PCDHA4: variants seen among roughly 807,000 people sequenced by gnomAD.
PCDHA4 encodes the protein protocadherin alpha 4.
In PCDHA4, 49 loss-of-function variants were observed where a neutral mutation model predicts 61.4. The observed-to-expected ratio is 0.80, with a 90% CI of 0.63 to 1.01. The LOEUF is 1.01. Among genes scored for constraint, PCDHA4 ranks in the 50% least tolerant of loss-of-function variants. The pLI is 0.00. For missense variants in PCDHA4, 1,254 were observed against 1,235.8 expected (o/e 1.01, Z -0.22); for synonymous variants, 590 against 550.3 (o/e 1.07, Z -1.01).
chr5:140,871,280 C>A, intron 1 of PCDHA4: 1 of 1,613,916 alleles, frequency 6.2e-7, no homozygotes, highest in Non-Finnish European at 8.5e-7. Context: ...TCGGCAACGC[C>A]CACTGAGGGC....
intron 1 of PCDHA4, chr5:140,835,544 C>T (rs1773719176): frequency 2.5e-6 from 4 of 1,613,968 alleles, no homozygotes; most frequent in South Asian, 2.2e-5. Flanking sequence ...AGGTTACCTG[C>T]TCCCTGACGC....
chr5:140,841,020 C>T (rs186269491), intron 1 of PCDHA4, among the ~76,000 whole-genome samples: 2 of 151,914 alleles, frequency 1.3e-5, no homozygotes, highest in African/African-American at 4.8e-5. Flanking sequence ...AGTATGAATG[C>T]CTCTGCAATT....
intron 1 of PCDHA4, among the ~76,000 whole-genome samples, chr5:140,889,199 T>C (rs1399579598): frequency 1.3e-5 from 2 of 151,896 alleles, no homozygotes; most frequent in African/African-American, 4.8e-5. Context: ...ATAACTTGAA[T>C]ACTTAACAAA....
chr5:140,811,938 C>T (rs920175473), intron 1 of PCDHA4: 4 of 152,080 alleles, frequency 2.6e-5, no homozygotes, highest in Admixed American at 2.0e-4. Context: ...AATTTTCTCC[C>T]ATTCTGTAGG....
chr5:140,871,036 C>A (rs781977409), intron 1 of PCDHA4: 2 of 1,613,156 alleles, frequency 1.2e-6, no homozygotes, highest in East Asian at 2.2e-5. Flanking sequence ...GCCGCGCCAC[C>A]GACTTCTAGT....
At chr5:140,868,864 A>C (rs1554162257) in intron 1 of PCDHA4, 10 of 549,766 alleles carry the variant, frequency 1.8e-5, no homozygotes, top group Non-Finnish European at 1.8e-5. Context: ...TGGTAAATGC[A>C]GTGCACAGTA....
chr5:140,849,924 G>A, intron 1 of PCDHA4: 1 of 1,598,310 alleles, frequency 6.3e-7, no homozygotes, highest in East Asian at 2.2e-5. Context: ...CATCTTCACG[G>A]TGTCTGCGCG....
Position 140,927,758 on chromosome 5 carries a change from A to C in PCDHA4, c.2386-51191A>C, listed in dbSNP as rs781942462. 3 of 1,614,170 alleles carry C rather than the reference A, an allele frequency of 1.9e-6. No individual in the cohort carries two copies. In the South Asian group the frequency reaches 3.3e-5, roughly 18 times the overall value. Reference sequence around the variant, plus strand: ...CGACACCGCTTTCACGTGCACCCTAAAAGTGGGGAGGTGCAAGTAGCTGCT... The same window carrying C: ...CGACACCGCTTTCACGTGCACCCTACAAGTGGGGAGGTGCAAGTAGCTGCT... On this transcript the variant is annotated intron_variant, in intron 1 of 3. Transcript: ENST00000530339.
At chr5:140,855,799 A>C (rs1356663466) in intron 1 of PCDHA4, 4 of 472,784 alleles carry the variant, frequency 8.5e-6, no homozygotes, top group Non-Finnish European at 1.5e-5. Context: ...TTAACATATG[A>C]ATGAAAGAAA....
chr5:140,829,134 C>A (rs2150162893), intron 1 of PCDHA4: 1 of 1,613,168 alleles, frequency 6.2e-7, no homozygotes. Flanking sequence ...GATAACGTCC[C>A]TGAGATAGCA....
At chr5:140,876,315 C>T in intron 1 of PCDHA4, 1 of 1,613,958 alleles carries the variant, frequency 6.2e-7, no homozygotes, top group South Asian at 1.1e-5. Flanking sequence ...CCTATGGGAT[C>T]AAAATGATTT....
At chr5:140,925,641 T>TATAATAATAATAATA (rs10569930) in intron 1 of PCDHA4, among the ~76,000 whole-genome samples, 21 of 143,352 alleles carry the variant, frequency 1.5e-4, no homozygotes, top group East Asian at 6.1e-4. Context: ...GAACTTAAAG[T>TATAATAATAATAATA]ATAATAATAA....
At position 140,841,226 on chromosome 5, in the gene PCDHA4, G is replaced by A. The variant is rs2150312161; in HGVS notation, c.2385+31654G>A. 1.1e-5 allele frequency: 16 copies of A among 1,452,002 alleles called. 1 individual carries two copies. Among genetic ancestry groups the A allele is most frequent in the Non-Finnish European group, 1.5e-5 (16 of 1,077,992 alleles). The allele number at this position is 1,452,002 out of a possible 1,614,324, so 89.9% of individuals were successfully genotyped here. On this transcript the variant is annotated intron_variant, in intron 1 of 3. Transcript: ENST00000530339. The stretch of plus-strand genomic sequence containing the variant: ...CATCTGTCTCTAAAGGCCGAACAAC[G>A]GGAGATGCAGCGGAATTGGATTAAA...
intron 1 of PCDHA4, chr5:140,834,869 C>G: frequency 6.2e-7 from 1 of 1,609,230 alleles, no homozygotes. Context: ...ATGCAGATAT[C>G]GGGGAGAACG....
intron 1 of PCDHA4, chr5:140,877,939 A>G (rs2057403639): frequency 7.2e-7 from 1 of 1,379,672 alleles, no homozygotes. Context: ...TCTATCCTTT[A>G]AACTATCGAA....
chr5:141,006,636 A>G (rs1322633928), intron 3 of PCDHA4, among the ~76,000 whole-genome samples: 3 of 152,210 alleles, frequency 2.0e-5, no homozygotes, highest in African/African-American at 7.2e-5. Context: ...TGCAATTCAT[A>G]TAAGAGATGA....
rs782058857 is a variant in PCDHA4 at position 140,870,963 on chromosome 5, G to A, written c.2385+61391G>A. Reference sequence around the variant, plus strand: ...CGGCGGCGGGCGGCTCGCGCATCCCGTTCCGCGTGGGGCTGTACACGGGCG... The same window carrying A: ...CGGCGGCGGGCGGCTCGCGCATCCCATTCCGCGTGGGGCTGTACACGGGCG... On this transcript the variant is annotated intron_variant, in intron 1 of 3. Coordinates refer to ENST00000530339, the MANE Select transcript of PCDHA4 (RefSeq NM_018907.4). 1.4e-5 allele frequency: 22 copies of A among 1,613,504 alleles called. 1 individual carries two copies. The highest frequency in any genetic ancestry group is 1.9e-5 in the Non-Finnish European group (22 of 1,179,890).
intron 1 of PCDHA4, chr5:140,968,575 G>C: frequency 6.2e-7 from 1 of 1,614,134 alleles, no homozygotes; most frequent in Non-Finnish European, 8.5e-7. Context: ...CTGGCTACCT[G>C]GTCACCAAAG....
In PCDHA4 at chr5:140,884,802, ACTCTGC is replaced by A. The variant is rs2060361534; in HGVS notation, c.2385+75231_2385+75236del. The A allele has an allele frequency of 4.1e-6, 5 of 1,232,140 alleles. No individual in the cohort carries two copies. The South Asian group carries it at 9.1e-5, about 22-fold the overall frequency. The allele number at this position is 1,232,140 out of a possible 1,614,324, so 76.3% of individuals were successfully genotyped here. A position where few individuals can be genotyped will look rare whatever the true frequency, so the allele number is the denominator to read the frequency against. ...TTGCTAGTTGTTATCGAATTTAACA[ACTCTGC>A]TGTGGACATTATGTGTTGGATTATC... is the stretch of plus-strand genomic sequence containing the variant. On this transcript the variant is annotated intron_variant, in intron 1 of 3. Transcript: ENST00000530339.
Sources: allele counts gnomAD v4.1 joint callset (sites outside exome capture counted in the v4.1 genomes callset), GRCh38; gene constraint gnomAD v4.1.1; transcripts MANE v1.5; gene names NCBI Gene and HGNC (gene_info 2026-07-23, HGNC 2026-07-21).